The following ARHGEF1 variants were observed in gnomAD, a reference collection of about 807,000 sequenced individuals.
ARHGEF1 encodes the protein Rho guanine nucleotide exchange factor 1, also known as 115 kDa guanine nucleotide exchange factor.
A neutral mutation model predicts 119.7 loss-of-function variants in ARHGEF1; 40 were observed. The ratio of observed to expected loss-of-function variants is 0.33; its 90% CI spans 0.26 to 0.44. The LOEUF (loss-of-function observed/expected upper bound fraction) is 0.44. ARHGEF1 is among the 20% of genes least tolerant of loss of function. The pLI, the probability that ARHGEF1 is intolerant of heterozygous loss-of-function variation, is 1.00. For synonymous variants in ARHGEF1, 494 were observed against 521.0 expected (o/e 0.95, Z 0.71); for missense variants, 976 against 1,268.3 (o/e 0.77, Z 3.50).
rs1346071150 is a variant in ARHGEF1, at chr19:41,903,005, A to G, written c.1738+107A>G. 1.1e-6 allele frequency: 1 copy of G among 943,402 alleles called. No individual in the cohort carries two copies. 58.4% of individuals were successfully genotyped at this position (943,402 alleles called of 1,614,324 possible). On this transcript the variant is annotated intron_variant, in intron 18 of 28. Transcript: ENST00000354532. The surrounding 1 kb of genome is among the most constrained non-coding windows in gnomAD (Gnocchi z 4.2). Reference sequence around the variant, plus strand: ...ACCATCACAGCTCACTGCAGCCTCAACCTCCCAGGATCTACCATCCTCCCA... The same window carrying G: ...ACCATCACAGCTCACTGCAGCCTCAGCCTCCCAGGATCTACCATCCTCCCA...
In ARHGEF1 at chr19:41,916,655, C is replaced by T. The variant is rs1186447429; in HGVS notation, c.1866-6437C>T. Among the ~76,000 whole-genome samples the T allele has an allele frequency of 3.3e-5, 5 of 152,048 alleles. No homozygotes were observed. The highest frequency in any genetic ancestry group is 1.2e-4 in the African/African-American group (5 of 41,370). ...ACAACAGCACACAGAAACAGACACA[C>T]AGTCACACAACCAAGCACCACCGAC... On this transcript the variant is annotated intron_variant, in intron 18 of 20. Coordinates refer to the ARHGEF1 transcript ENST00000599589. The surrounding 1 kb of genome is among the most constrained non-coding windows in gnomAD (Gnocchi z 5.4).
Position 41,905,365 on chromosome 19 carries a change from ATG to A in ARHGEF1, c.2336+109_2336+110del. The A allele has an allele frequency of 1.0e-6, 1 of 994,862 alleles. No individual in the cohort carries two copies. The allele number at this position is 994,862 out of a possible 1,614,324, so 61.6% of individuals were successfully genotyped here. A position where few individuals can be genotyped will look rare whatever the true frequency, so the allele number is the denominator to read the frequency against. On this transcript the variant is annotated intron_variant, in intron 24 of 28. Coordinates refer to ENST00000354532, the MANE Select transcript of ARHGEF1 (RefSeq NM_004706.4). This position sits in a 1 kb window ranked among gnomAD's most constrained non-coding sequence, Gnocchi z 6.4. The stretch of plus-strand genomic sequence containing the variant: ...GAACCGTCTCTGTGTGAGCATGCAC[ATG>A]TGTGAATGCATGTGTGTGCATACAT...
chr19:41,928,757 C>T (rs1174383501), intron 1 of ARHGEF1: 2 of 226,116 alleles, frequency 8.8e-6, no homozygotes, highest in African/African-American at 8.6e-5. Context: ...GGGGGTGGGG[C>T]GGGGGTGGGT....
chr19:41,897,466 C>A, intron 13 of ARHGEF1: 1 of 489,958 alleles, frequency 2.0e-6, no homozygotes, highest in Non-Finnish European at 3.1e-6. Context: ...AGTTGAAGAG[C>A]TAAGTATGGA....
rs1555849887 is a variant in ARHGEF1, at chr19:41,905,284, C to T, written c.2336+23C>T. The T allele has an allele frequency of 1.9e-6, 3 of 1,599,132 alleles. No homozygotes were observed. The highest frequency in any genetic ancestry group is 2.2e-5 in the East Asian group (1 of 44,752). ...CAGGTGAGGGGGGCCATGGAGAGAGCTGGAGGTTCAGGGAGTGGGGCCGGA... is the reference window on the plus strand; with the variant it reads ...CAGGTGAGGGGGGCCATGGAGAGAGTTGGAGGTTCAGGGAGTGGGGCCGGA... On this transcript the variant is annotated intron_variant, in intron 24 of 28. Transcript: ENST00000354532. The surrounding 1 kb of genome is among the most constrained non-coding windows in gnomAD (Gnocchi z 6.4).
chr19:41,914,235 C>A (rs1386494097), intron 18 of ARHGEF1, among the ~76,000 whole-genome samples: 2 of 151,348 alleles, frequency 1.3e-5, no homozygotes, highest in Non-Finnish European at 2.9e-5. Context: ...ACCTGTCTCC[C>A]CGTCTTTCTC....
chr19:41,923,078 T>C (rs1829666260), upstream of ARHGEF1: 1 of 451,490 alleles, frequency 2.2e-6, no homozygotes, highest in Non-Finnish European at 4.5e-6. Flanking sequence ...ACCCAGGCCT[T>C]TTGCTTCCCT....
intron 1 of ARHGEF1, among the ~76,000 whole-genome samples, chr19:41,885,987 C>A (rs1169081248): frequency 6.6e-6 from 1 of 151,722 alleles, no homozygotes; most frequent in Non-Finnish European, 1.5e-5. Context: ...TCAAGTGATC[C>A]ACCTGCCTTG....
chr19:41,922,586 G>A (rs1004081445), upstream of ARHGEF1, among the ~76,000 whole-genome samples: 6 of 152,078 alleles, frequency 3.9e-5, no homozygotes, highest in Non-Finnish European at 7.4e-5. Flanking sequence ...AGAGAACTGG[G>A]AACCGGAGAG....
At chr19:41,884,355 A>G in intron 1 of ARHGEF1, 1 of 1,454,226 alleles carries the variant, frequency 6.9e-7, no homozygotes, top group Non-Finnish European at 9.4e-7. Context: ...AGCGGCTGGC[A>G]GGAGGAGTGG....
intron 18 of ARHGEF1, among the ~76,000 whole-genome samples, chr19:41,913,447 C>T (rs908921598): frequency 1.2e-4 from 18 of 151,726 alleles, no homozygotes; most frequent in East Asian, 3.9e-4. Flanking sequence ...CCCACCCGGA[C>T]GACCCCCAGG....
chr19:41,891,926 C>T, intron 4 of ARHGEF1, 99 bp from the exon 5 acceptor site: 1 of 1,020,998 alleles, frequency 9.8e-7, no homozygotes, highest in Non-Finnish European at 1.4e-6. Context: ...GTCCCACAGC[C>T]ATAGGATGGC....
Position 41,905,748 on chromosome 19 carries a change from TCCTC to T in ARHGEF1, c.2337-9_2337-6del. On this transcript the variant is annotated splice_region_variant and splice_polypyrimidine_tract_variant and intron_variant, in intron 24 of 28. Coordinates refer to ENST00000354532, the MANE Select transcript of ARHGEF1 (RefSeq NM_004706.4). This position sits in a 1 kb window ranked among gnomAD's most constrained non-coding sequence, Gnocchi z 6.4. ...CAGGGGTGTGGGGTCACCCAGCACT[TCCTC>T]CCCTCAGCACCCGAGAACCCCTCCT... 1.9e-6 allele frequency: 3 copies of T among 1,613,676 alleles called. No individual in the cohort carries two copies. Among genetic ancestry groups the T allele is most frequent in the African/African-American group, 2.7e-5 (2 of 74,966 alleles).
In ARHGEF1 at chr19:41,894,566, C is replaced by T. The variant is rs1379228784; in HGVS notation, c.841+19C>T. On this transcript the variant is annotated intron_variant, in intron 10 of 28. Transcript: ENST00000354532. ...CCCCAGGGTAAGGCGGCTCTGGCCTCTGCCCTCCCCTGTCTTCCCCAGCTG... is the reference window on the plus strand; with the variant it reads ...CCCCAGGGTAAGGCGGCTCTGGCCTTTGCCCTCCCCTGTCTTCCCCAGCTG... 4 of 1,613,814 alleles carry T rather than the reference C, an allele frequency of 2.5e-6. No homozygotes were observed. Among genetic ancestry groups the T allele is most frequent in the Non-Finnish European group, 3.4e-6 (4 of 1,179,866 alleles).
rs1415090685 is a variant in ARHGEF1, at chr19:41,916,928, CCCCTGCCACTCCTGCT to C, written c.1866-6160_1866-6145del. 3.3e-5 allele frequency among the ~76,000 whole-genome samples: 5 copies of C among 152,176 alleles called. No homozygotes were observed. Among genetic ancestry groups the C allele is most frequent in the Non-Finnish European group, 2.9e-5 (2 of 68,036 alleles). On this transcript the variant is annotated intron_variant, in intron 18 of 20. Transcript: ENST00000599589. The surrounding 1 kb of genome is among the most constrained non-coding windows in gnomAD (Gnocchi z 5.4). ...ACTCAGAGATGACCCCAACCCAAGG[CCCCTGCCACTCCTGCT>C]CCCACCATCCCCATCTGTCTGCCTG... is the stretch of plus-strand genomic sequence containing the variant.
rs2074323541 is a variant in ARHGEF1, at chr19:41,888,175, GCCCT to G, written c.25-12_25-9del. 2 of 1,614,002 alleles carry G rather than the reference GCCCT, an allele frequency of 1.2e-6. No individual in the cohort carries two copies. Among genetic ancestry groups the G allele is most frequent in the African/African-American group, 2.7e-5 (2 of 74,928 alleles). Reference sequence around the variant, plus strand: ...GTGGAGAGTCCTGTGGACTGAAGCTGCCCTCCCTTTCCACAGGCCTCCCCAGGCC... The same window carrying G: ...GTGGAGAGTCCTGTGGACTGAAGCTGCCCTTTCCACAGGCCTCCCCAGGCC... On this transcript the variant is annotated splice_polypyrimidine_tract_variant and intron_variant, in intron 2 of 28. Transcript: ENST00000354532. This position sits in a 1 kb window ranked among gnomAD's most constrained non-coding sequence, Gnocchi z 5.1.
intron 11 of ARHGEF1, among the ~76,000 whole-genome samples, chr19:41,894,864 G>C (rs1197369804): frequency 1.9e-4 from 21 of 109,406 alleles, no homozygotes; most frequent in Admixed American, 4.6e-4. Context: ...GCTGGGCCTG[G>C]ACCCCTGGGT....
intron 1 of ARHGEF1, among the ~76,000 whole-genome samples, chr19:41,886,900 C>A (rs1263539494): frequency 6.6e-6 from 1 of 152,214 alleles, no homozygotes; most frequent in East Asian, 1.9e-4. Flanking sequence ...CAGCTCCTTC[C>A]CACCTGACAC....
chr19:41,896,652 A>G, intron 13 of ARHGEF1, 170 bp downstream of exon 13: 1 of 701,380 alleles, frequency 1.4e-6, no homozygotes, highest in Non-Finnish European at 2.6e-6. Context: ...TCCTTTTCTC[A>G]TCTCCCTCCT....
Sources: gnomAD v4.1 joint callset for allele counts (sites outside exome capture counted in the v4.1 genomes callset) on GRCh38, gnomAD v4.1.1 for gene constraint, Gnocchi (gnomAD v3.1) non-coding constraint, MANE v1.5 for transcripts, NCBI Gene and HGNC (gene_info 2026-07-23, HGNC 2026-07-21) for gene names.